TLE1: variants seen among roughly 807,000 people sequenced by gnomAD.
TLE1 encodes TLE family member 1, transcriptional corepressor.
In TLE1, 21 loss-of-function variants were observed where a neutral mutation model predicts 89.8. The ratio of observed to expected loss-of-function variants is 0.23; its 90% confidence interval spans 0.17 to 0.34. TLE1 has a LOEUF of 0.34. Ranked by LOEUF, TLE1 falls within the 10% of genes least tolerant of loss-of-function variation. The pLI, the probability that TLE1 is intolerant of heterozygous loss-of-function variation, is 1.00. For synonymous variants in TLE1, 447 were observed against 407.6 expected (o/e 1.10, Z -1.16); for missense variants, 795 against 1,031.2 (o/e 0.77, Z 3.14).
intron 4 of TLE1, among the ~76,000 whole-genome samples, chr9:81,674,960 T>C (rs539154358): frequency 6.6e-6 from 1 of 151,652 alleles, no homozygotes; most frequent in East Asian, 1.9e-4. Context: ...TTCGAGACCA[T>C]CCTGGACAAC....
chr9:81,593,193 G>T lies in TLE1; in HGVS notation c.1413C>A (p.Ile471=), dbSNP rs779825870. The part of the protein sequence containing the change: ...FPPDALIGPG[I]PRHARQINTL... ...TGTTGATCTGGCGAGCATGCCGGGG[G>T]ATTCCGGGTCCGATGAGGGCGTCGG... Residue 471 remains isoleucine (I), a synonymous_variant, in exon 15 of 20, where the codon ATC becomes ATA. Transcript: ENST00000376499. The T allele has an allele frequency of 6.2e-7, 1 of 1,614,006 alleles. No homozygotes were observed. The highest frequency in any genetic ancestry group is 1.7e-5 in the Admixed American group (1 of 60,002).
chr9:81,619,375 A>T (rs1469351694), intron 9 of TLE1, among the ~76,000 whole-genome samples: 1 of 152,210 alleles, frequency 6.6e-6, no homozygotes, highest in Non-Finnish European at 1.5e-5. Flanking sequence ...TGTGTCGAAG[A>T]GCAGAGATAC....
In TLE1 at chr9:81,585,659, C is replaced by G. The variant is rs1829493580; in HGVS notation, c.1978-4G>C. 1.2e-6 allele frequency: 2 copies of G among 1,613,920 alleles called. No homozygotes were observed. The highest frequency in any genetic ancestry group is 2.7e-5 in the African/African-American group (2 of 75,000). ...GGCAGTACCCCAGGGAGAAGATCTA[C>G]AAGGAGCAAGACAGGCTCACTCATT... On this transcript the variant is annotated splice_region_variant and splice_polypyrimidine_tract_variant and intron_variant, in intron 17 of 19. Coordinates refer to ENST00000376499, the MANE Select transcript of TLE1 (RefSeq NM_005077.5).
chr9:81,651,013 T>C (rs907636320), intron 6 of TLE1, among the ~76,000 whole-genome samples: 2 of 152,146 alleles, frequency 1.3e-5, no homozygotes, highest in East Asian at 1.9e-4. Flanking sequence ...TTGGCTCTTA[T>C]GTTTTTTCTC....
chr9:81,673,900 T>C (rs1832568975), intron 4 of TLE1, among the ~76,000 whole-genome samples: 1 of 152,192 alleles, frequency 6.6e-6, no homozygotes. Context: ...GCAGGCTGCA[T>C]GGGGCCTGGA....
chr9:81,687,594 G>A lies in TLE1; in HGVS notation c.25-160C>T, dbSNP rs1183418433. Among the ~76,000 whole-genome samples, 6 of 152,278 alleles carry A rather than the reference G, an allele frequency of 3.9e-5. No individual in the cohort carries two copies. The South Asian group carries it at 1.2e-3, about 32-fold the overall frequency. ...AGTTTGCCCTTCACTATGGGGAGGG[G>A]GAAAGCGGACCCTCCCCGGGCCCCG... is the stretch of plus-strand genomic sequence containing the variant. On this transcript the variant is annotated intron_variant, in intron 1 of 19. Coordinates refer to ENST00000376499, the MANE Select transcript of TLE1 (RefSeq NM_005077.5).
At chr9:81,664,541 T>C (rs1028539090) in intron 4 of TLE1, among the ~76,000 whole-genome samples, 1 of 152,094 alleles carries the variant, frequency 6.6e-6, no homozygotes, top group Non-Finnish European at 1.5e-5. Context: ...AAATAACTAA[T>C]CACATTTTGG....
chr9:81,631,103 TA>T (rs2132315641), intron 8 of TLE1, among the ~76,000 whole-genome samples: 1 of 152,314 alleles, frequency 6.6e-6, no homozygotes, highest in Non-Finnish European at 1.5e-5. Context: ...CCAAAACACA[TA>T]AATCCACATT....
intron 8 of TLE1, among the ~76,000 whole-genome samples, chr9:81,621,307 G>A (rs972674767): frequency 2.9e-4 from 44 of 152,140 alleles, no homozygotes; most frequent in Admixed American, 7.9e-4. Flanking sequence ...ATATTTTGGG[G>A]TCACATGACA....
intron 4 of TLE1, among the ~76,000 whole-genome samples, chr9:81,657,595 T>G (rs1462630450): frequency 6.6e-6 from 1 of 151,846 alleles, no homozygotes; most frequent in East Asian, 1.9e-4. Context: ...TTAATAATAT[T>G]AAAGTTATCA....
intron 6 of TLE1, among the ~76,000 whole-genome samples, chr9:81,640,073 T>C (rs999212352): frequency 6.6e-6 from 1 of 152,016 alleles, no homozygotes; most frequent in Non-Finnish European, 1.5e-5. Context: ...CTGGTGCATC[T>C]AATGGGTGAA....
intron 6 of TLE1, among the ~76,000 whole-genome samples, chr9:81,642,410 G>A (rs894598996): frequency 2.0e-5 from 3 of 151,944 alleles, no homozygotes; most frequent in African/African-American, 7.2e-5. Flanking sequence ...TGGGGTCCGA[G>A]GTCCGGGCAC....
intron 15 of TLE1, 54 bp from the exon 16 acceptor site, chr9:81,591,106 C>A (rs1275386657): frequency 1.3e-6 from 2 of 1,577,850 alleles, no homozygotes; most frequent in African/African-American, 1.3e-5. Context: ...AATCATAGCA[C>A]CATGTTCTCT....
chr9:81,602,531 TTG>T (rs1045669038), intron 14 of TLE1, among the ~76,000 whole-genome samples: 1 of 152,196 alleles, frequency 6.6e-6, no homozygotes, highest in African/African-American at 2.4e-5. Context: ...AAACTGTGTG[TTG>T]TGTGTTTTGA....
intron 18 of TLE1, 67 bp downstream of exon 18, chr9:81,585,438 A>AC: frequency 6.4e-7 from 1 of 1,572,360 alleles, no homozygotes; most frequent in South Asian, 1.2e-5. Flanking sequence ...TCTCTACCAT[A>AC]TTTTTTTAAG....
intron 8 of TLE1, among the ~76,000 whole-genome samples, chr9:81,632,675 A>G (rs1199233094): frequency 6.6e-6 from 1 of 152,210 alleles, no homozygotes; most frequent in African/African-American, 2.4e-5. Context: ...TCAAATGTAC[A>G]CATGAAAAAT....
intron 14 of TLE1, among the ~76,000 whole-genome samples, chr9:81,595,082 C>T (rs944737913): frequency 1.3e-5 from 2 of 152,078 alleles, no homozygotes; most frequent in Non-Finnish European, 2.9e-5. Context: ...TGAATAAGCA[C>T]GTATAATGGG....
intron 10 of TLE1, 127 bp downstream of exon 10, chr9:81,616,519 C>A (rs1824535432): frequency 1.1e-6 from 1 of 874,384 alleles, no homozygotes; most frequent in Non-Finnish European, 1.8e-6. Flanking sequence ...CCATTAACTT[C>A]TTAATGTAAG....
At position 81,585,628 on chromosome 9, in the gene TLE1, C is replaced by A; in HGVS notation, c.2005G>T (p.Gly669Trp). The stretch of plus-strand genomic sequence containing the variant: ...TCCATGCCCACTGCCAGCCACTCCC[C>A]GGTGGGGCAGTACCCCAGGGAGAAG... The part of the protein sequence containing the change: ...QIFSLGYCPT[G>W]EWLAVGMESS... Residue 669 changes from glycine (G) to tryptophan (W), a missense_variant, in exon 18 of 20, where the codon GGG becomes TGG. Gly to Trp is a radical substitution (Grantham distance 184). Transcript: ENST00000376499. 6.2e-7 allele frequency: 1 copy of A among 1,614,008 alleles called. No individual in the cohort carries two copies.
Sources: gnomAD v4.1 joint callset for allele counts (sites outside exome capture counted in the v4.1 genomes callset) on GRCh38, gnomAD v4.1.1 for gene constraint, MANE v1.5 for transcripts, NCBI Gene and HGNC (gene_info 2026-07-23, HGNC 2026-07-21) for gene names.